DNAJC5: variants seen among roughly 807,000 people sequenced by gnomAD.
DNAJC5 encodes the protein dnaJ homolog subfamily C member 5.
DNAJC5 carries 1 observed loss-of-function variant against 23.2 expected under a neutral mutation model. The observed-to-expected ratio is 0.04, with a 90% CI of 0.02 to 0.20. DNAJC5 has a LOEUF of 0.20. Among genes scored for constraint, DNAJC5 ranks in the 10% least tolerant of loss-of-function variants. The pLI is 1.00. For missense variants in DNAJC5, 180 were observed against 267.0 expected (o/e 0.67, Z 2.27); for synonymous variants, 136 against 120.0 (o/e 1.13, Z -0.87).
chr20:63,916,508 G>A (rs2053516453), intron 1 of DNAJC5, among the ~76,000 whole-genome samples: 1 of 152,186 alleles, frequency 6.6e-6, no homozygotes. Flanking sequence ...GCAAAAAGGA[G>A]AACAAAGATC....
At chr20:63,930,672 G>T (rs545515089) in intron 3 of DNAJC5, among the ~76,000 whole-genome samples, 179 bp from the exon 4 acceptor site, 1 of 152,166 alleles carries the variant, frequency 6.6e-6, no homozygotes, top group Admixed American at 6.5e-5. Flanking sequence ...TTTAAGCTGC[G>T]GGTTTCTTTC....
At chr20:63,914,900 A>G (rs2053506252) in intron 1 of DNAJC5, among the ~76,000 whole-genome samples, 1 of 152,178 alleles carries the variant, frequency 6.6e-6, no homozygotes, top group African/African-American at 2.4e-5. Flanking sequence ...ACAGGTGTGA[A>G]CCACCACGCC....
intron 1 of DNAJC5, among the ~76,000 whole-genome samples, chr20:63,921,874 G>GT (rs2053576334): frequency 6.6e-6 from 1 of 151,982 alleles, no homozygotes; most frequent in Admixed American, 6.5e-5. Flanking sequence ...CTCCTCCCGG[G>GT]TTCAAGCCAT....
chr20:63,907,743 TA>T (rs1192015973), intron 1 of DNAJC5, among the ~76,000 whole-genome samples: 1 of 152,230 alleles, frequency 6.6e-6, no homozygotes, highest in Non-Finnish European at 1.5e-5. Flanking sequence ...TGTGTTTTAC[TA>T]CTTAACTACC....
intron 1 of DNAJC5, among the ~76,000 whole-genome samples, chr20:63,912,509 A>T (rs1439167690): frequency 6.6e-6 from 1 of 152,166 alleles, no homozygotes; most frequent in Non-Finnish European, 1.5e-5. Flanking sequence ...TACCCTTTTA[A>T]CTGTGTTCCA....
intron 1 of DNAJC5, among the ~76,000 whole-genome samples, chr20:63,902,984 G>GT (rs1043813364): frequency 4.6e-5 from 7 of 151,642 alleles, no homozygotes; most frequent in Non-Finnish European, 7.4e-5. Flanking sequence ...GCCACATCCT[G>GT]TTTTTTTTAC....
At chr20:63,898,293 T>C (rs1029345705) in intron 1 of DNAJC5, among the ~76,000 whole-genome samples, 1 of 152,086 alleles carries the variant, frequency 6.6e-6, no homozygotes, top group African/African-American at 2.4e-5. Flanking sequence ...AAGGTAGAAT[T>C]TTATCTGAGG....
At chr20:63,925,770 T>C (rs999474858) in intron 1 of DNAJC5, among the ~76,000 whole-genome samples, 2 of 151,210 alleles carry the variant, frequency 1.3e-5, no homozygotes, top group Non-Finnish European at 2.9e-5. Context: ...CCCATATTGA[T>C]GTCATTTCCT....
Position 63,912,695 on chromosome 20 carries a change from A to G in DNAJC5, c.-11-15640A>G, listed in dbSNP as rs551797098. 5.9e-5 allele frequency among the ~76,000 whole-genome samples: 9 copies of G among 151,986 alleles called. No individual in the cohort carries two copies. In the East Asian group the frequency reaches 9.7e-4, roughly 16 times the overall value. ...TGATCTCAGCTCACTGCAACCTCCA[A>G]CTCCCGGGTTCAAGCGATTCTTGTG... is the stretch of plus-strand genomic sequence containing the variant. On this transcript the variant is annotated intron_variant, in intron 1 of 4. Coordinates refer to ENST00000360864, the MANE Select transcript of DNAJC5 (RefSeq NM_025219.3).
chr20:63,916,061 G>C (rs1183924821), intron 1 of DNAJC5, among the ~76,000 whole-genome samples: 1 of 152,162 alleles, frequency 6.6e-6, no homozygotes, highest in Non-Finnish European at 1.5e-5. Flanking sequence ...AGCCTCCCAA[G>C]TAGCTGGGAT....
At chr20:63,908,760 A>G (rs1420749725) in intron 1 of DNAJC5, among the ~76,000 whole-genome samples, 2 of 152,170 alleles carry the variant, frequency 1.3e-5, no homozygotes, top group Non-Finnish European at 2.9e-5. Flanking sequence ...TGGTCCCACC[A>G]TTGCACCCCA....
rs1184661048 is a variant in DNAJC5, at chr20:63,928,370, C to T, written c.25C>T (p.Leu9=). The T allele has an allele frequency of 2.5e-6, 4 of 1,613,964 alleles. No individual in the cohort carries two copies. Among genetic ancestry groups the T allele is most frequent in the Non-Finnish European group, 3.4e-6 (4 of 1,180,034 alleles). Residue 9 remains leucine, a synonymous_variant, in exon 2 of 5, where the codon CTG becomes TTG. Coordinates refer to ENST00000360864, the MANE Select transcript of DNAJC5 (RefSeq NM_025219.3). The surrounding 1 kb of genome is among the most constrained non-coding windows in gnomAD (Gnocchi z 4.6). The part of the protein sequence containing the change: MADQRQRS[L]STSGESLYHV... ...CATGGCAGACCAGAGACAGCGCTCA[C>T]TGTCTACCTCTGGGGAGTCATTGTA...
chr20:63,900,114 C>G (rs2053402346), intron 1 of DNAJC5, among the ~76,000 whole-genome samples: 1 of 151,646 alleles, frequency 6.6e-6, no homozygotes, highest in African/African-American at 2.4e-5. Flanking sequence ...GTCTTGAACT[C>G]CTGACCTCAG....
At chr20:63,900,928 T>C (rs1332729374) in intron 1 of DNAJC5, among the ~76,000 whole-genome samples, 2 of 152,214 alleles carry the variant, frequency 1.3e-5, no homozygotes, top group South Asian at 2.1e-4. Context: ...CGAGGTGAAG[T>C]GTCCAGAGCC....
Position 63,931,128 on chromosome 20 carries a change from C to A in DNAJC5, c.493+106C>A. On this transcript the variant is annotated intron_variant, in intron 4 of 4. Transcript: ENST00000360864. The surrounding 1 kb of genome is among the most constrained non-coding windows in gnomAD (Gnocchi z 9.6). ...AAACAGGAGGGCACTGACACTGTGC[C>A]GCGAGTGTTTGTGGTGGCAGCTGGG... is the stretch of plus-strand genomic sequence containing the variant. The A allele has an allele frequency of 7.9e-7, 1 of 1,260,472 alleles. No homozygotes were observed. The highest frequency in any genetic ancestry group is 1.1e-6 in the Non-Finnish European group (1 of 886,334). 78.1% of individuals were successfully genotyped at this position (1,260,472 alleles called of 1,614,324 possible). A position where few individuals can be genotyped will look rare whatever the true frequency, so the allele number is the denominator to read the frequency against.
chr20:63,902,345 C>G (rs574825642), intron 1 of DNAJC5, among the ~76,000 whole-genome samples: 2 of 149,242 alleles, frequency 1.3e-5, no homozygotes, highest in African/African-American at 5.0e-5. Flanking sequence ...TGAGCCACTG[C>G]TCCTGGCCTC....
chr20:63,931,737 G>A lies in DNAJC5; in HGVS notation c.*169G>A. ...AGCGTCGACCCTTGACCCACGAAGT[G>A]CGTAGCATGCAGTATTTAAAGCAGT... On this transcript the variant is annotated 3_prime_UTR_variant, in exon 5 of 5. Transcript: ENST00000360864. This position sits in a 1 kb window ranked among gnomAD's most constrained non-coding sequence, Gnocchi z 9.6. 4.4e-6 allele frequency: 3 copies of A among 689,432 alleles called. No individual in the cohort carries two copies. Among genetic ancestry groups the A allele is most frequent in the Admixed American group, 2.1e-5 (1 of 46,662 alleles). 42.7% of individuals were successfully genotyped at this position (689,432 alleles called of 1,614,324 possible).
At chr20:63,911,489 A>G (rs1042674244) in intron 1 of DNAJC5, among the ~76,000 whole-genome samples, 4 of 152,150 alleles carry the variant, frequency 2.6e-5, no homozygotes, top group East Asian at 1.9e-4. Context: ...GGGCGCTGCC[A>G]TGGCTCCAGC....
chr20:63,917,484 C>T (rs2053522684), intron 1 of DNAJC5, among the ~76,000 whole-genome samples: 1 of 152,146 alleles, frequency 6.6e-6, no homozygotes, highest in African/African-American at 2.4e-5. Flanking sequence ...AACTCCTGAG[C>T]TCAAGTGACA....
Sources: allele counts gnomAD v4.1 joint callset (sites outside exome capture counted in the v4.1 genomes callset), GRCh38; gene constraint gnomAD v4.1.1; non-coding constraint Gnocchi (gnomAD v3.1); transcripts MANE v1.5; gene names NCBI Gene and HGNC (gene_info 2026-07-23, HGNC 2026-07-21).